Variants in MYO7B observed in about 807,000 individuals in gnomAD.
The protein encoded by MYO7B is unconventional myosin-VIIb.
Under a neutral mutation model 259.7 loss-of-function variants are expected in MYO7B, and 212 were observed. That is an observed-to-expected ratio of 0.82 (90% confidence interval 0.73 to 0.91). The LOEUF is 0.91. MYO7B is among the 40% of genes least tolerant of loss of function. The pLI, the probability that MYO7B is intolerant of heterozygous loss-of-function variation, is 0.00. For missense variants in MYO7B, 2,732 were observed against 2,813.5 expected (o/e 0.97, Z 0.66); for synonymous variants, 1,197 against 1,166.4 (o/e 1.03, Z -0.54).
chr2:127,583,819 G>A (rs1245581131), intron 12 of MYO7B, among the ~76,000 whole-genome samples: 2 of 152,224 alleles, frequency 1.3e-5, no homozygotes, highest in Non-Finnish European at 2.9e-5. Context: ...AGGTGGGCAG[G>A]CCTGGTAGAG....
Position 127,612,563 on chromosome 2 carries a change from C to A in MYO7B, c.3358C>A (p.His1120Asn). The change falls in exon 26 of 48, where the codon CAC (histidine) becomes AAC (asparagine). Residue 1120 changes from histidine to asparagine, a missense_variant. His to Asn is a moderately conservative substitution (Grantham distance 68). Coordinates refer to ENST00000409816, the MANE Select transcript of MYO7B (RefSeq NM_001393586.1). ...DRPMSNLEKV[H>N]FIVGYAILRP... Reference sequence around the variant, plus strand: ...GCCCATGTCCAACCTGGAGAAGGTGCACTTCATCGTGGGCTACGCCATCCT... The same window carrying A: ...GCCCATGTCCAACCTGGAGAAGGTGAACTTCATCGTGGGCTACGCCATCCT... 6.2e-7 allele frequency: 1 copy of A among 1,605,088 alleles called. No individual in the cohort carries two copies. The highest frequency in any genetic ancestry group is 8.5e-7 in the Non-Finnish European group (1 of 1,176,146).
chr2:127,579,645 G>A (rs1679022670), intron 9 of MYO7B, among the ~76,000 whole-genome samples: 1 of 152,156 alleles, frequency 6.6e-6, no homozygotes, highest in Non-Finnish European at 1.5e-5. Flanking sequence ...GAGTGCAGTG[G>A]TGGGATCTCG....
In MYO7B at chr2:127,628,906, C is replaced by T. The variant is rs1428263704; in HGVS notation, c.4624+371C>T. 6.6e-6 allele frequency among the ~76,000 whole-genome samples: 1 copy of T among 152,224 alleles called. No homozygotes were observed. Among genetic ancestry groups the T allele is most frequent in the Non-Finnish European group, 1.5e-5 (1 of 68,044 alleles). ...TTATCCCATTTTACAGACGTGAGGC[C>T]AGAGGCCCAGAGATGGAAGTAGCTC... On this transcript the variant is annotated intron_variant, in intron 34 of 47. Coordinates refer to ENST00000409816, the MANE Select transcript of MYO7B (RefSeq NM_001393586.1). The surrounding 1 kb of genome is among the most constrained non-coding windows in gnomAD (Gnocchi z 4.8).
chr2:127,600,191 T>C (rs76937069), intron 19 of MYO7B, among the ~76,000 whole-genome samples: 3,061 of 152,326 alleles, frequency 0.02, 100 homozygotes, highest in African/African-American at 0.07. Flanking sequence ...TAGGAATGAT[T>C]CAAATTATTT....
intron 10 of MYO7B, among the ~76,000 whole-genome samples, chr2:127,581,486 G>T (rs116088101): frequency 6.6e-6 from 1 of 152,218 alleles, no homozygotes; most frequent in Admixed American, 6.5e-5. Context: ...CTTTTGGTTC[G>T]AGGGTACTCA....
rs1440773535 is a variant in MYO7B, at chr2:127,632,343, A to C, written c.5347A>C (p.Thr1783Pro). ...GCCCCATGCCCAGAAGTTTATAGAC[A>C]CTCGGAGGGGGAAGCTGCTGGCCCC... The part of the protein sequence containing the change: ...LLPHAQKFID[T>P]RRGKLLAPDC... Residue 1783 changes from threonine (T) to proline (P), a missense_variant, in exon 39 of 48, where the codon ACT becomes CCT. Thr to Pro is a conservative substitution (Grantham distance 38). Coordinates refer to ENST00000409816, the MANE Select transcript of MYO7B (RefSeq NM_001393586.1). 1 of 1,601,456 alleles carries C rather than the reference A, an allele frequency of 6.2e-7. No homozygotes were observed.
Position 127,635,945 on chromosome 2 carries a change from G to A in MYO7B, c.6006+38G>A, listed in dbSNP as rs1189835235. The A allele has an allele frequency of 6.5e-6, 10 of 1,543,228 alleles. No individual in the cohort carries two copies. In the African/African-American group the frequency reaches 9.6e-5, roughly 15 times the overall value. On this transcript the variant is annotated intron_variant, in intron 44 of 47. Transcript: ENST00000409816. ...GCTGGGGAAGGGTTCTTGTGCTGCT[G>A]CTCCTCCCTGGGCCCCTGCACCAGT... is the stretch of plus-strand genomic sequence containing the variant.
chr2:127,622,218 C>T, intron 28 of MYO7B, 117 bp downstream of exon 28: 1 of 1,359,294 alleles, frequency 7.4e-7, no homozygotes, highest in Non-Finnish European at 9.7e-7. Flanking sequence ...CTGAGCCCCG[C>T]CATCTCCTCT....
rs1678410252 is a variant in MYO7B, at chr2:127,567,581, A to C, written c.470+754A>C. 1.3e-5 allele frequency among the ~76,000 whole-genome samples: 2 copies of C among 152,154 alleles called. 1 individual carries two copies. The highest frequency in any genetic ancestry group is 4.2e-4 in the South Asian group (2 of 4,816). ...GCACCCGTTGTTCCAGGAACACTGG[A>C]TCCTAGCAGAGAACTTTGGTGTCCT... On this transcript the variant is annotated intron_variant, in intron 5 of 47. Coordinates refer to ENST00000409816, the MANE Select transcript of MYO7B (RefSeq NM_001393586.1).
chr2:127,589,094 G>C (rs948684155), intron 15 of MYO7B, among the ~76,000 whole-genome samples: 1 of 147,858 alleles, frequency 6.8e-6, no homozygotes, highest in East Asian at 2.1e-4. Context: ...TGGGTGTGTC[G>C]ATGGTTGGGT....
chr2:127,586,103 G>A lies in MYO7B; in HGVS notation c.1690+1190G>A, dbSNP rs1377855402. On this transcript the variant is annotated intron_variant, in intron 14 of 47. Coordinates refer to ENST00000409816, the MANE Select transcript of MYO7B (RefSeq NM_001393586.1). The surrounding 1 kb of genome is among the most constrained non-coding windows in gnomAD (Gnocchi z 4.8). ...CTTATCTATTTTCCTTTCTTTGCTT[G>A]TGTCATATCTAAGAGTCCAGGGTCA... Among the ~76,000 whole-genome samples the A allele has an allele frequency of 6.6e-6, 1 of 152,144 alleles. No individual in the cohort carries two copies. Among genetic ancestry groups the A allele is most frequent in the African/African-American group, 2.4e-5 (1 of 41,434 alleles).
rs533274475 is a variant in MYO7B, at chr2:127,590,542, C to T, written c.1992+313C>T. On this transcript the variant is annotated intron_variant, in intron 16 of 47. Transcript: ENST00000409816. The surrounding 1 kb of genome is among the most constrained non-coding windows in gnomAD (Gnocchi z 4.6). ...GTTAAGTCAGACTTGCTCCTGCCTG[C>T]AGGAATGCACTGAGGGTTGGACATG... Among the ~76,000 whole-genome samples, 43 of 152,362 alleles carry T rather than the reference C, an allele frequency of 2.8e-4. 1 individual carries two copies. The highest frequency in any genetic ancestry group is 9.6e-4 in the African/African-American group (40 of 41,582).
intron 1 of MYO7B, among the ~76,000 whole-genome samples, chr2:127,553,424 A>G (rs1693528190): frequency 6.6e-6 from 1 of 152,170 alleles, no homozygotes. Flanking sequence ...TGTGTTGTCT[A>G]TGATTTCTCT....
intron 6 of MYO7B, among the ~76,000 whole-genome samples, chr2:127,573,467 G>A (rs577842582): frequency 1.3e-5 from 2 of 152,262 alleles, no homozygotes; most frequent in East Asian, 3.9e-4. Context: ...ATGCCGGCTT[G>A]GCCTCTCCGT....
intron 1 of MYO7B, among the ~76,000 whole-genome samples, chr2:127,553,865 C>T (rs1409560153): frequency 1.3e-5 from 2 of 152,082 alleles, no homozygotes; most frequent in Non-Finnish European, 2.9e-5. Context: ...TTCAACTTTT[C>T]CCCAATCAGT....
At chr2:127,623,121 G>A in intron 28 of MYO7B, 81 bp from the exon 29 acceptor site, 1 of 1,517,746 alleles carries the variant, frequency 6.6e-7, no homozygotes, top group Non-Finnish European at 9.0e-7. Flanking sequence ...GCTGGGGAGA[G>A]GAGGGAGGTA....
intron 19 of MYO7B, among the ~76,000 whole-genome samples, chr2:127,604,505 A>G (rs1172753284): frequency 6.6e-6 from 1 of 152,214 alleles, no homozygotes; most frequent in East Asian, 1.9e-4. Flanking sequence ...TCACTGGAGT[A>G]GCACCTTTAA....
intron 24 of MYO7B, 63 bp from the exon 25 acceptor site, chr2:127,612,187 G>A (rs552454130): frequency 1.9e-6 from 1 of 536,530 alleles, no homozygotes; most frequent in East Asian, 4.6e-5. Flanking sequence ...AGGAGGCTGT[G>A]GGGTCAGCAT....
intron 5 of MYO7B, among the ~76,000 whole-genome samples, chr2:127,567,030 G>T (rs367759371): frequency 1.3e-5 from 2 of 152,196 alleles, no homozygotes; most frequent in African/African-American, 4.8e-5. Context: ...CTTTCATCGT[G>T]TCACCAGGGA....
Sources: allele counts gnomAD v4.1 joint callset (sites outside exome capture counted in the v4.1 genomes callset), GRCh38; gene constraint gnomAD v4.1.1; non-coding constraint Gnocchi (gnomAD v3.1); transcripts MANE v1.5; gene names NCBI Gene and HGNC (gene_info 2026-07-23, HGNC 2026-07-21).